Variants in NAALADL2 observed in about 807,000 individuals in gnomAD.
The protein encoded by NAALADL2 is N-acetylated alpha-linked acidic dipeptidase like 2.
In NAALADL2, 76 loss-of-function variants were observed where a neutral mutation model predicts 87.2. That is an observed-to-expected ratio of 0.87 (90% CI 0.72 to 1.05). NAALADL2 has a LOEUF of 1.05. Among genes scored for constraint, NAALADL2 ranks in the 50% least tolerant of loss-of-function variants. The pLI is 0.00. For missense variants in NAALADL2, 1,089 were observed against 945.8 expected (o/e 1.15, Z -1.99); for synonymous variants, 354 against 331.0 (o/e 1.07, Z -0.75).
intron 2 of NAALADL2, among the ~76,000 whole-genome samples, chr3:175,178,050 C>T (rs2035101): frequency 0.31 from 46,800 of 151,896 alleles, 8,301 homozygotes; most frequent in East Asian, 0.55. Context: ...AATCAGTGTT[C>T]TCACTACTCA....
chr3:175,541,401 G>T (rs1712308595), intron 9 of NAALADL2, among the ~76,000 whole-genome samples: 1 of 152,066 alleles, frequency 6.6e-6, no homozygotes, highest in African/African-American at 2.4e-5. Flanking sequence ...CTACCTTAAA[G>T]GTGCTCAAAA....
intron 1 of NAALADL2, among the ~76,000 whole-genome samples, chr3:174,959,654 G>A (rs1741694432): frequency 6.6e-6 from 1 of 151,994 alleles, no homozygotes; most frequent in African/African-American, 2.4e-5. Flanking sequence ...TCTATTGCAT[G>A]GGAAATAGTA....
At chr3:175,008,761 G>A (rs1749389913) in intron 1 of NAALADL2, among the ~76,000 whole-genome samples, 1 of 116,546 alleles carries the variant, frequency 8.6e-6, no homozygotes, top group South Asian at 2.6e-4. Flanking sequence ...GCTAGGGTTT[G>A]GAGGTAATCA....
intron 1 of NAALADL2, among the ~76,000 whole-genome samples, chr3:174,928,560 A>G (rs935195223): frequency 1.3e-5 from 2 of 152,182 alleles, no homozygotes; most frequent in African/African-American, 2.4e-5. Context: ...ATTTGTAACA[A>G]TGTAATCATA....
At chr3:174,835,881 G>A (rs1723275327) in intron 3 of NAALADL2, among the ~76,000 whole-genome samples, 1 of 152,150 alleles carries the variant, frequency 6.6e-6, no homozygotes, top group South Asian at 2.1e-4. Flanking sequence ...AGAACAATTG[G>A]AACTCTTGTG....
intron 1 of NAALADL2, among the ~76,000 whole-genome samples, chr3:174,884,620 A>C (rs768571304): frequency 6.6e-6 from 1 of 152,154 alleles, no homozygotes; most frequent in African/African-American, 2.4e-5. Flanking sequence ...ATCTGGAATA[A>C]GTGTCTAGGA....
At chr3:175,468,802 C>A (rs1724459949) in intron 8 of NAALADL2, among the ~76,000 whole-genome samples, 2 of 152,014 alleles carry the variant, frequency 1.3e-5, no homozygotes, top group Non-Finnish European at 2.9e-5. Flanking sequence ...GAGCATCAAG[C>A]ATCAGAGCCT....
chr3:175,483,392 T>A (rs981374432), intron 9 of NAALADL2, among the ~76,000 whole-genome samples: 7 of 151,556 alleles, frequency 4.6e-5, no homozygotes, highest in Non-Finnish European at 1.0e-4. Flanking sequence ...TTTTCCTGAC[T>A]TCTTTGCTAA....
chr3:175,544,871 C>T (rs529149861), intron 9 of NAALADL2, among the ~76,000 whole-genome samples: 18 of 152,204 alleles, frequency 1.2e-4, no homozygotes, highest in African/African-American at 4.3e-4. Context: ...ACTTGTCCCC[C>T]ATCCAAGATA....
intron 1 of NAALADL2, among the ~76,000 whole-genome samples, chr3:174,509,003 T>C (rs900699827): frequency 6.6e-6 from 1 of 152,202 alleles, no homozygotes; most frequent in African/African-American, 2.4e-5. Context: ...TTAGTTATAG[T>C]ATCTTCGTGT....
intron 5 of NAALADL2, among the ~76,000 whole-genome samples, chr3:175,388,258 C>T (rs1768642817): frequency 6.6e-6 from 1 of 151,996 alleles, no homozygotes; most frequent in South Asian, 2.1e-4. Context: ...GCTAGCTAGC[C>T]ACCTTACTTT....
At chr3:175,194,608 G>T (rs1738704834) in intron 2 of NAALADL2, among the ~76,000 whole-genome samples, 1 of 151,668 alleles carries the variant, frequency 6.6e-6, no homozygotes, top group Admixed American at 6.6e-5. Flanking sequence ...GTTGTTATTG[G>T]GTCAACTTTT....
At chr3:174,629,933 C>CAA (rs1721946260) in intron 2 of NAALADL2, among the ~76,000 whole-genome samples, 2 of 152,158 alleles carry the variant, frequency 1.3e-5, no homozygotes, top group African/African-American at 2.4e-5. Context: ...GAAAGGGTAG[C>CAA]TTATTAGCGT....
chr3:175,570,137 G>A (rs1040896970), intron 9 of NAALADL2, among the ~76,000 whole-genome samples: 2 of 152,048 alleles, frequency 1.3e-5, no homozygotes, highest in Admixed American at 6.5e-5. Context: ...GCTTATTTTT[G>A]GGGGGTTCAG....
At chr3:175,721,781 G>A (rs544913975) in intron 11 of NAALADL2, among the ~76,000 whole-genome samples, 19 of 152,154 alleles carry the variant, frequency 1.2e-4, no homozygotes, top group Non-Finnish European at 1.9e-4. Context: ...GGGAGGTGGG[G>A]TAACTACATA....
At chr3:174,458,109 C>A (rs960679982) in intron 1 of NAALADL2, among the ~76,000 whole-genome samples, 2 of 152,086 alleles carry the variant, frequency 1.3e-5, no homozygotes, top group Non-Finnish European at 2.9e-5. Flanking sequence ...ACCTATATAA[C>A]AAACCTGCAC....
intron 9 of NAALADL2, among the ~76,000 whole-genome samples, chr3:175,537,520 C>T (rs1711511386): frequency 6.6e-6 from 1 of 152,230 alleles, no homozygotes; most frequent in Non-Finnish European, 1.5e-5. Context: ...CAAATAGCAA[C>T]ATTAATTAAC....
In NAALADL2 at chr3:174,990,444, C is replaced by G. The variant is rs1337963727; in HGVS notation, c.44-106346C>G. Among the ~76,000 whole-genome samples the G allele has an allele frequency of 3.3e-5, 5 of 152,166 alleles. No homozygotes were observed. The East Asian group carries it at 9.6e-4, about 29-fold the overall frequency. On this transcript the variant is annotated intron_variant, in intron 1 of 13. Coordinates refer to ENST00000454872, the MANE Select transcript of NAALADL2 (RefSeq NM_207015.3). ...GGAAATAAGGTTTTCTAAATCAATT[C>G]AGAGATTTCAGTTCCAAAAATATTA... is the stretch of plus-strand genomic sequence containing the variant.
chr3:175,590,914 G>T (rs968997381), intron 10 of NAALADL2, among the ~76,000 whole-genome samples: 22 of 152,256 alleles, frequency 1.4e-4, no homozygotes, highest in African/African-American at 5.3e-4. Context: ...TGTGTGCTTA[G>T]GGATGAAGGG....
Sources: allele counts gnomAD v4.1 joint callset (sites outside exome capture counted in the v4.1 genomes callset), GRCh38; gene constraint gnomAD v4.1.1; transcripts MANE v1.5; gene names NCBI Gene and HGNC (gene_info 2026-07-23, HGNC 2026-07-21).